Variants in E2F2 observed in about 807,000 individuals in gnomAD.
E2F2 encodes the protein transcription factor E2F2.
In E2F2, 22 loss-of-function variants were observed where a neutral mutation model predicts 42.2. The observed-to-expected ratio is 0.52, with a 90% CI of 0.37 to 0.74. E2F2 has a LOEUF of 0.74. Ranked by LOEUF, E2F2 falls within the 30% of genes least tolerant of loss-of-function variation. The pLI is 0.00. For missense variants in E2F2, 481 were observed against 557.8 expected (o/e 0.86, Z 1.39); for synonymous variants, 248 against 251.6 (o/e 0.99, Z 0.13).
intron 3 of E2F2, chr1:23,521,463 C>G: frequency 1.2e-6 from 1 of 814,236 alleles, no homozygotes; most frequent in Non-Finnish European, 1.5e-6. Context: ...TGGAAGGAGT[C>G]CGGGATCCCC....
chr1:23,520,314 T>C (rs1323371310), intron 4 of E2F2, among the ~76,000 whole-genome samples: 4 of 144,786 alleles, frequency 2.8e-5, no homozygotes, highest in Admixed American at 2.1e-4. Flanking sequence ...ATTACAACTA[T>C]ATTGAAATAA....
chr1:23,506,151 G>A (rs1426026680), downstream of E2F2, among the ~76,000 whole-genome samples: 1 of 152,190 alleles, frequency 6.6e-6, no homozygotes, highest in Non-Finnish European at 1.5e-5. Context: ...TAGAGGGTGG[G>A]AGGGAGAGTG....
chr1:23,520,008 G>A (rs1203422349), intron 4 of E2F2, among the ~76,000 whole-genome samples: 3 of 151,180 alleles, frequency 2.0e-5, no homozygotes, highest in Admixed American at 6.6e-5. Context: ...AACCCAGGGG[G>A]CAGAGGTTGC....
At chr1:23,517,326 C>T (rs904003400) in intron 5 of E2F2, among the ~76,000 whole-genome samples, 1 of 152,186 alleles carries the variant, frequency 6.6e-6, no homozygotes, top group African/African-American at 2.4e-5. Context: ...AGGCACATGT[C>T]CAGGTCTCCA....
Position 23,506,865 on chromosome 1 carries a change from G to C in E2F2, c.*3015C>G, listed in dbSNP as rs1642805973. 1 of 152,306 alleles carries C rather than the reference G, an allele frequency of 6.6e-6. No homozygotes were observed. The highest frequency in any genetic ancestry group is 6.5e-5 in the Admixed American group (1 of 15,288). The allele number at this position is 152,306 out of a possible 1,614,324, so 9.4% of individuals were successfully genotyped here. A position where few individuals can be genotyped will look rare whatever the true frequency, so the allele number is the denominator to read the frequency against. On this transcript the variant is annotated 3_prime_UTR_variant, in exon 7 of 7. Transcript: ENST00000361729. ...GAGGTTGAGAACACTTGGGGAGGGAGAACAAAGTCAGAACCATCCTAAAGC... is the reference window on the plus strand; with the variant it reads ...GAGGTTGAGAACACTTGGGGAGGGACAACAAAGTCAGAACCATCCTAAAGC...
In E2F2 at chr1:23,530,624, G is replaced by C; in HGVS notation, c.170C>G (p.Ala57Gly). 1.2e-6 allele frequency: 2 copies of C among 1,613,120 alleles called. No individual in the cohort carries two copies. Among genetic ancestry groups the C allele is most frequent in the Non-Finnish European group, 1.7e-6 (2 of 1,179,770 alleles). The change falls in exon 1 of 7, where the codon GCG becomes GGG. Residue 57 changes from alanine (A) to glycine (G), a missense_variant. Coordinates refer to ENST00000361729, the MANE Select transcript of E2F2 (RefSeq NM_004091.4). The surrounding 1 kb of genome is among the most constrained non-coding windows in gnomAD (Gnocchi z 4.4). Reference sequence around the variant, plus strand: ...GGCGTCGAGGCAGGTGCCTGGCGCCGCTGCGGGAGGCGCCGTCTGCGGGTA... The same window carrying C: ...GGCGTCGAGGCAGGTGCCTGGCGCCCCTGCGGGAGGCGCCGTCTGCGGGTA... Reference protein sequence around the residue: ...PLYPQTAPPAAAPGTCLDATP... With the variant: ...PLYPQTAPPAGAPGTCLDATP...
At chr1:23,522,695 G>GA (rs1286644788) in intron 2 of E2F2, among the ~76,000 whole-genome samples, 2 of 152,254 alleles carry the variant, frequency 1.3e-5, no homozygotes, top group Admixed American at 1.3e-4. Flanking sequence ...GATTATCTGA[G>GA]AAAAATCGGT....
intron 6 of E2F2, among the ~76,000 whole-genome samples, chr1:23,511,671 A>G (rs1642911486): frequency 6.6e-6 from 1 of 152,236 alleles, no homozygotes; most frequent in Non-Finnish European, 1.5e-5. Context: ...GCCCCAGCCA[A>G]GTATTATTCT....
Position 23,516,338 on chromosome 1 carries a change from A to T in E2F2, c.1042T>A (p.Ser348Thr), listed in dbSNP as rs1570459350. The T allele has an allele frequency of 3.3e-6, 5 of 1,533,470 alleles. No individual in the cohort carries two copies. In the East Asian group the frequency reaches 1.2e-4, roughly 38 times the overall value. The allele number at this position is 1,533,470 out of a possible 1,614,324, so 95.0% of individuals were successfully genotyped here. Residue 348 changes from serine (S) to threonine (T), a missense_variant, in exon 6 of 7, where the codon TCA becomes ACA. Transcript: ENST00000361729. ...TCCCTCTGGACAAGGGACCTACCTG[A>T]GGATGCTGTGGGCTCCATGATGCTA... is the stretch of plus-strand genomic sequence containing the variant. ...DPSIMEPTAS[S>T]VPAPAPTPQQ...
chr1:23,517,819 G>A (rs1643054305), intron 5 of E2F2, among the ~76,000 whole-genome samples: 1 of 152,226 alleles, frequency 6.6e-6, no homozygotes, highest in Non-Finnish European at 1.5e-5. Flanking sequence ...AGGATGAATA[G>A]CGGTAAATCA....
chr1:23,523,317 C>A (rs538751678), intron 2 of E2F2, among the ~76,000 whole-genome samples: 1 of 152,072 alleles, frequency 6.6e-6, no homozygotes, highest in African/African-American at 2.4e-5. Flanking sequence ...CCACCACACC[C>A]GGCTAATTTT....
intron 6 of E2F2, among the ~76,000 whole-genome samples, chr1:23,511,616 T>C (rs1642910566): frequency 6.6e-6 from 1 of 152,168 alleles, no homozygotes; most frequent in Non-Finnish European, 1.5e-5. Flanking sequence ...GCCTGCCACA[T>C]ATATCCTGAT....
At chr1:23,505,346 T>C (rs1338163158), downstream of E2F2, among the ~76,000 whole-genome samples, 1 of 152,212 alleles carries the variant, frequency 6.6e-6, no homozygotes, top group Non-Finnish European at 1.5e-5. Flanking sequence ...TTTCTGGGGA[T>C]CGCTTCTCAG....
intron 1 of E2F2, among the ~76,000 whole-genome samples, chr1:23,526,676 C>T (rs1233867029): frequency 6.6e-6 from 1 of 152,214 alleles, no homozygotes; most frequent in Non-Finnish European, 1.5e-5. Flanking sequence ...AGAGAGTAAG[C>T]ACATGCCCAA....
Position 23,524,107 on chromosome 1 carries a change from A to AACAAC in E2F2, c.358+275_358+276insGTTGT, listed in dbSNP as rs1643206301. ...ACAACAACAACAACAACAACAACAA[A>AACAAC]AAAAAACACAGAAGTAATGCAAGAT... is the stretch of plus-strand genomic sequence containing the variant. On this transcript the variant is annotated intron_variant, in intron 2 of 6. Transcript: ENST00000361729. Among the ~76,000 whole-genome samples the AACAAC allele has an allele frequency of 3.8e-5, 5 of 130,392 alleles. 1 individual carries two copies. Among genetic ancestry groups the AACAAC allele is most frequent in the African/African-American group, 8.2e-5 (3 of 36,488 alleles). The allele number at this position is 130,392 out of a possible 152,430, so 85.5% of individuals were successfully genotyped here. A position where few individuals can be genotyped will look rare whatever the true frequency, so the allele number is the denominator to read the frequency against.
At chr1:23,525,100 C>T (rs959536277) in intron 1 of E2F2, among the ~76,000 whole-genome samples, 2 of 152,232 alleles carry the variant, frequency 1.3e-5, no homozygotes, top group Admixed American at 1.3e-4. Context: ...CCAGGGCCTC[C>T]TGAATAGACT....
At chr1:23,514,130 A>T (rs1642968664) in intron 6 of E2F2, among the ~76,000 whole-genome samples, 1 of 152,030 alleles carries the variant, frequency 6.6e-6, no homozygotes, top group Non-Finnish European at 1.5e-5. Flanking sequence ...TCTTAAAAAA[A>T]AAAAAACAAC....
chr1:23,514,833 C>CAAA (rs74604082), intron 6 of E2F2, among the ~76,000 whole-genome samples: 1,362 of 46,652 alleles, frequency 0.029, 56 homozygotes, highest in African/African-American at 0.092. Context: ...GAGACTGTCT[C>CAAA]AAAAAAAAAA....
At chr1:23,518,930 TGCCAGGGACA>T in intron 5 of E2F2, 76 bp downstream of exon 5, 1 of 1,041,982 alleles carries the variant, frequency 9.6e-7, no homozygotes, top group Non-Finnish European at 1.4e-6. Context: ...GGCTAGGCAG[TGCCAGGGACA>T]GAGTCTGCAG....
Sources: gnomAD v4.1 joint callset for allele counts (sites outside exome capture counted in the v4.1 genomes callset) on GRCh38, gnomAD v4.1.1 for gene constraint, Gnocchi (gnomAD v3.1) non-coding constraint, MANE v1.5 for transcripts, NCBI Gene and HGNC (gene_info 2026-07-23, HGNC 2026-07-21) for gene names.